GXYLT1: variants seen among roughly 807,000 people sequenced by gnomAD.
GXYLT1 encodes the protein glucoside xylosyltransferase 1.
Under a neutral mutation model 54.0 loss-of-function variants are expected in GXYLT1, and 29 were observed. The ratio of observed to expected loss-of-function variants is 0.54; its 90% CI spans 0.40 to 0.73. GXYLT1 has a LOEUF of 0.73. GXYLT1 is among the 30% of genes least tolerant of loss of function. The probability of loss-of-function intolerance (pLI) is 0.00; values close to 1 mark genes in which losing one functional copy is unlikely to be tolerated. For missense variants in GXYLT1, 490 were observed against 553.4 expected, an observed-to-expected ratio of 0.89 and a Z score of 1.15; for synonymous variants, 176 against 204.1, an observed-to-expected ratio of 0.86 and a Z score of 1.17.
At chr12:42,139,594 T>A (rs116922346) in intron 1 of GXYLT1, among the ~76,000 whole-genome samples, 2 of 152,188 alleles carry the variant, frequency 1.3e-5, no homozygotes, top group African/African-American at 2.4e-5. Context: ...GTACCTTGAC[T>A]TGGATTTCTA....
At chr12:42,096,285 G>A (rs1301751624) in intron 7 of GXYLT1, among the ~76,000 whole-genome samples, 1 of 152,124 alleles carries the variant, frequency 6.6e-6, no homozygotes, top group Non-Finnish European at 1.5e-5. Flanking sequence ...GAGCTCCTTT[G>A]ACAGATGACT....
At position 42,096,914 on chromosome 12, in the gene GXYLT1, G is replaced by A. The variant is rs565463622; in HGVS notation, c.1161+528C>T. Among the ~76,000 whole-genome samples, 41 of 152,140 alleles carry A rather than the reference G, an allele frequency of 2.7e-4. No individual in the cohort carries two copies. The East Asian group carries it at 4.1e-3, about 15-fold the overall frequency. ...CACCACCTATACAGAATTCTGAGCA[G>A]GCATGTATATCCTGAACCTAATCGT... On this transcript the variant is annotated intron_variant, in intron 7 of 7. Coordinates refer to ENST00000398675, the MANE Select transcript of GXYLT1 (RefSeq NM_173601.2).
At chr12:42,112,319 A>C (rs566060529) in intron 3 of GXYLT1, among the ~76,000 whole-genome samples, 1 of 152,334 alleles carries the variant, frequency 6.6e-6, no homozygotes, top group African/African-American at 2.4e-5. Context: ...AGTTGAGAGA[A>C]GGCTTCAGAA....
chr12:42,129,367 C>A (rs2065581171), intron 2 of GXYLT1, among the ~76,000 whole-genome samples: 1 of 152,250 alleles, frequency 6.6e-6, no homozygotes, highest in African/African-American at 2.4e-5. Context: ...CGAATATAAT[C>A]CTTCTCCAGT....
At chr12:42,118,898 A>T in intron 3 of GXYLT1, 102 bp downstream of exon 3, 1 of 812,864 alleles carries the variant, frequency 1.2e-6, no homozygotes, top group Non-Finnish European at 1.8e-6. Context: ...AGTCTCAGGT[A>T]GTTATTTCTA....
Position 42,129,775 on chromosome 12 carries a change from A to G in GXYLT1, c.298T>C (p.Trp100Arg). 1 of 1,613,218 alleles carries G rather than the reference A, an allele frequency of 6.2e-7. No individual in the cohort carries two copies. Among genetic ancestry groups the G allele is most frequent in the Non-Finnish European group, 8.5e-7 (1 of 1,179,318 alleles). Residue 100 changes from tryptophan (W) to arginine (R), a missense_variant, in exon 2 of 8, where the codon TGG becomes CGG. Trp to Arg is a moderately radical substitution (Grantham distance 101). Transcript: ENST00000398675. ...AGTGCCTACCTAAAAGCCGCTTCCC[A>G]AAAGCAGTTCATTCCACAAACATCA... ...PSDVCGMNCF[W>R]EAAFRYSLKI... is the part of the protein sequence containing the mutation.
At chr12:42,116,225 G>A (rs2065493853) in intron 3 of GXYLT1, among the ~76,000 whole-genome samples, 1 of 151,924 alleles carries the variant, frequency 6.6e-6, no homozygotes, top group Non-Finnish European at 1.5e-5. Flanking sequence ...CATGGGCAAG[G>A]ACTTCATGTC....
chr12:42,101,788 T>C (rs1456617064), intron 5 of GXYLT1, among the ~76,000 whole-genome samples: 1 of 152,078 alleles, frequency 6.6e-6, no homozygotes, highest in Admixed American at 6.5e-5. Flanking sequence ...GCCAGGCTGG[T>C]CTAGGACTCC....
intron 7 of GXYLT1, among the ~76,000 whole-genome samples, chr12:42,092,344 T>C (rs559887045): frequency 2.0e-5 from 3 of 151,802 alleles, no homozygotes; most frequent in Non-Finnish European, 4.4e-5. Flanking sequence ...TAAATGAGAG[T>C]TGAGTGATCA....
At chr12:42,113,630 A>G (rs1419230037) in intron 3 of GXYLT1, among the ~76,000 whole-genome samples, 4 of 151,022 alleles carry the variant, frequency 2.6e-5, no homozygotes, top group Non-Finnish European at 5.9e-5. Flanking sequence ...AGATTCATAA[A>G]GCAAGTCCTT....
At chr12:42,091,701 A>G (rs1411962943) in intron 7 of GXYLT1, among the ~76,000 whole-genome samples, 1 of 152,248 alleles carries the variant, frequency 6.6e-6, no homozygotes, top group Non-Finnish European at 1.5e-5. Context: ...AGTTTATAGG[A>G]CAAGAAACTT....
intron 7 of GXYLT1, among the ~76,000 whole-genome samples, chr12:42,089,114 C>T (rs1016374983): frequency 6.6e-6 from 1 of 151,718 alleles, no homozygotes; most frequent in South Asian, 2.1e-4. Context: ...TCAAGATAAA[C>T]GTCTAAAATT....
At chr12:42,095,816 AAAT>A (rs1213565678) in intron 7 of GXYLT1, among the ~76,000 whole-genome samples, 8 of 152,226 alleles carry the variant, frequency 5.3e-5, no homozygotes, top group Admixed American at 1.3e-4. Context: ...CAAATAAATA[AAAT>A]AATCACACTG....
intron 3 of GXYLT1, 111 bp from the exon 4 acceptor site, chr12:42,109,802 T>C: frequency 1.6e-6 from 1 of 624,218 alleles, no homozygotes; most frequent in East Asian, 3.4e-5. Context: ...AATATACATT[T>C]TATGCTGTAA....
At chr12:42,111,165 G>T (rs1244526429) in intron 3 of GXYLT1, among the ~76,000 whole-genome samples, 1 of 152,332 alleles carries the variant, frequency 6.6e-6, no homozygotes, top group South Asian at 2.1e-4. Context: ...CAAGATGGCC[G>T]AATAGGAACA....
chr12:42,094,896 A>T (rs1014086854), intron 7 of GXYLT1, among the ~76,000 whole-genome samples: 1 of 152,186 alleles, frequency 6.6e-6, no homozygotes, highest in East Asian at 1.9e-4. Flanking sequence ...ACATGCTAAA[A>T]GCTACTGAAT....
intron 2 of GXYLT1, among the ~76,000 whole-genome samples, chr12:42,122,419 G>A (rs1376516225): frequency 1.3e-5 from 2 of 151,872 alleles, no homozygotes; most frequent in Non-Finnish European, 2.9e-5. Context: ...GCGAAACCCC[G>A]TCTCTATTAA....
chr12:42,103,300 T>A lies in GXYLT1; in HGVS notation c.864+2518A>T, dbSNP rs531447895. Among the ~76,000 whole-genome samples the A allele has an allele frequency of 2.6e-5, 4 of 152,252 alleles. No homozygotes were observed. The South Asian group carries it at 8.3e-4, about 32-fold the overall frequency. On this transcript the variant is annotated intron_variant, in intron 5 of 7. Transcript: ENST00000398675. ...ATATACATAACTATAATACACCAGG[T>A]TCGAAATGAACAGCCACAAGTAGTA... is the stretch of plus-strand genomic sequence containing the variant.
intron 3 of GXYLT1, among the ~76,000 whole-genome samples, chr12:42,115,577 T>C (rs544236743): frequency 0.045 from 6,806 of 152,142 alleles, 443 homozygotes; most frequent in African/African-American, 0.14. Context: ...TTACAAGGGA[T>C]GTGAAGGACC....
Sources: allele counts gnomAD v4.1 joint callset (sites outside exome capture counted in the v4.1 genomes callset), GRCh38; gene constraint gnomAD v4.1.1; transcripts MANE v1.5; gene names NCBI Gene and HGNC (gene_info 2026-07-23, HGNC 2026-07-21).